Variants in SPATS2 observed in about 807,000 individuals in gnomAD.
SPATS2 encodes the protein spermatogenesis-associated serine-rich protein 2.
In SPATS2, 38 loss-of-function variants were observed where a neutral mutation model predicts 63.7. The ratio of observed to expected loss-of-function variants is 0.60; its 90% CI spans 0.46 to 0.78. The LOEUF (loss-of-function observed/expected upper bound fraction) is 0.78. Ranked by LOEUF, SPATS2 falls within the 30% of genes least tolerant of loss-of-function variation. SPATS2 has a pLI of 0.00. For missense variants in SPATS2, 588 were observed against 666.2 expected (o/e 0.88, Z 1.29); for synonymous variants, 207 against 232.9 (o/e 0.89, Z 1.01).
At chr12:49,500,239 A>AAAATG (rs780213405) in intron 9 of SPATS2, 34 bp downstream of exon 9, 1 of 1,579,504 alleles carries the variant, frequency 6.3e-7, no homozygotes, top group African/African-American at 1.4e-5. Context: ...CAGTAGCATA[A>AAAATG]AAATGATCAT....
In SPATS2 at chr12:49,525,947, T is replaced by TTGCCAGGGA. The variant is rs764933082; in HGVS notation, c.1331_1339dup (p.Gly446_Asn447insMetProGly). On this transcript the variant is annotated inframe_insertion, in exon 14 of 14. Transcript: ENST00000552918. ...CATTGTATTCTTTCATCTTTAGGTA[T>TTGCCAGGGA]TGCCAGGGAACAGACGAGGAGGACA... 1.2e-6 allele frequency: 2 copies of TTGCCAGGGA among 1,612,594 alleles called. No individual in the cohort carries two copies. The highest frequency in any genetic ancestry group is 1.7e-6 in the Non-Finnish European group (2 of 1,179,092).
intron 10 of SPATS2, among the ~76,000 whole-genome samples, chr12:49,516,138 CAAAAAAAAAAA>C (rs57936702): frequency 0.011 from 38 of 3,462 alleles, no homozygotes; most frequent in South Asian, 0.047. Context: ...GACTCCATCT[CAAAAAAAAAAA>C]AAAAAAAAAA....
At chr12:49,519,268 A>C (rs986437261) in intron 11 of SPATS2, 86 bp downstream of exon 11, 1 of 1,026,688 alleles carries the variant, frequency 9.7e-7, no homozygotes, top group Admixed American at 2.8e-5. Flanking sequence ...CATATCTAAT[A>C]TATTAAACTC....
At chr12:49,389,309 C>G (rs1944377075) in intron 2 of SPATS2, among the ~76,000 whole-genome samples, 1 of 152,184 alleles carries the variant, frequency 6.6e-6, no homozygotes, top group Non-Finnish European at 1.5e-5. Flanking sequence ...AGGTGTCTCC[C>G]CCGCCGGTGG....
intron 2 of SPATS2, among the ~76,000 whole-genome samples, chr12:49,450,671 G>C (rs1289341505): frequency 2.0e-5 from 3 of 152,096 alleles, no homozygotes; most frequent in Non-Finnish European, 4.4e-5. Flanking sequence ...AGCCTCCTGA[G>C]TAGCTGGCAT....
intron 2 of SPATS2, among the ~76,000 whole-genome samples, chr12:49,450,860 TG>T (rs1460978748): frequency 4.0e-5 from 6 of 150,382 alleles, no homozygotes; most frequent in African/African-American, 1.5e-4. Context: ...TGTTTTGTTT[TG>T]TTTTGTTTTT....
chr12:49,521,790 T>A (rs1031184859), intron 11 of SPATS2, among the ~76,000 whole-genome samples: 1 of 152,216 alleles, frequency 6.6e-6, no homozygotes, highest in African/African-American at 2.4e-5. Context: ...CTGAAGGCTT[T>A]GTAACAAGAG....
chr12:49,390,233 C>A, intron 2 of SPATS2: 1 of 883,368 alleles, frequency 1.1e-6, no homozygotes, highest in Non-Finnish European at 1.7e-6. Flanking sequence ...AATGAATGAA[C>A]AGAAAATTCA....
At chr12:49,408,696 C>T (rs1047116507) in intron 2 of SPATS2, among the ~76,000 whole-genome samples, 4 of 151,564 alleles carry the variant, frequency 2.6e-5, no homozygotes, top group African/African-American at 7.3e-5. Context: ...GCCAAGACTA[C>T]AGGCACGCAA....
intron 9 of SPATS2, among the ~76,000 whole-genome samples, chr12:49,510,543 C>G (rs1449293841): frequency 6.6e-5 from 9 of 136,000 alleles, no homozygotes; most frequent in African/African-American, 2.3e-4. Context: ...CCAGCCTGGG[C>G]GACAGTGAGA....
intron 2 of SPATS2, among the ~76,000 whole-genome samples, chr12:49,409,896 C>T (rs1944766917): frequency 6.6e-6 from 1 of 152,048 alleles, no homozygotes; most frequent in South Asian, 2.1e-4. Flanking sequence ...ACCCACCAGG[C>T]CCAGCTGTAT....
chr12:49,418,254 A>G (rs542305843), intron 2 of SPATS2, among the ~76,000 whole-genome samples: 7 of 151,956 alleles, frequency 4.6e-5, no homozygotes, highest in East Asian at 3.9e-4. Flanking sequence ...AGCTAGGACT[A>G]CAGGTGTGTG....
intron 4 of SPATS2, among the ~76,000 whole-genome samples, chr12:49,485,716 A>G (rs910229540): frequency 6.6e-6 from 1 of 151,586 alleles, no homozygotes; most frequent in Non-Finnish European, 1.5e-5. Context: ...GAAACCGTCA[A>G]CGAGCTGTAC....
At chr12:49,425,464 C>T (rs1306895705) in intron 2 of SPATS2, among the ~76,000 whole-genome samples, 1 of 152,020 alleles carries the variant, frequency 6.6e-6, no homozygotes, top group Non-Finnish European at 1.5e-5. Flanking sequence ...GGACTACAGG[C>T]GTGTGCCATC....
chr12:49,500,900 C>G (rs1946556168), intron 9 of SPATS2, among the ~76,000 whole-genome samples: 4 of 152,030 alleles, frequency 2.6e-5, no homozygotes, highest in Admixed American at 2.6e-4. Flanking sequence ...TTCTTCCATC[C>G]TTTTTAATTT....
chr12:49,394,651 A>G (rs1387523388), intron 2 of SPATS2, among the ~76,000 whole-genome samples: 4 of 151,880 alleles, frequency 2.6e-5, no homozygotes, highest in Admixed American at 2.6e-4. Context: ...TGTTGCTAGT[A>G]TATAGAAATA....
chr12:49,490,821 C>T (rs962523217), intron 6 of SPATS2, 90 bp downstream of exon 6: 2 of 1,200,874 alleles, frequency 1.7e-6, no homozygotes. Flanking sequence ...AAAAGGTTCA[C>T]ATACATATCT....
At chr12:49,499,722 C>T (rs1048386498) in intron 8 of SPATS2, among the ~76,000 whole-genome samples, 3 of 152,104 alleles carry the variant, frequency 2.0e-5, no homozygotes, top group African/African-American at 7.2e-5. Context: ...ACTATTGAGG[C>T]AGCAAGTTGG....
At chr12:49,476,122 T>C (rs1946112865) in intron 3 of SPATS2, among the ~76,000 whole-genome samples, 1 of 152,126 alleles carries the variant, frequency 6.6e-6, no homozygotes, top group Non-Finnish European at 1.5e-5. Flanking sequence ...GCCCCCATCC[T>C]GTGCCTATAA....
Sources: gnomAD v4.1 joint callset for allele counts (sites outside exome capture counted in the v4.1 genomes callset) on GRCh38, gnomAD v4.1.1 for gene constraint, MANE v1.5 for transcripts, NCBI Gene and HGNC (gene_info 2026-07-23, HGNC 2026-07-21) for gene names.